The following ADAMTS3 variants were observed in gnomAD, a reference collection of about 807,000 sequenced individuals.
ADAMTS3 encodes ADAM metallopeptidase with thrombospondin type 1 motif 3.
In ADAMTS3, 73 loss-of-function variants were observed where a neutral mutation model predicts 129.0. The ratio of observed to expected loss-of-function variants is 0.57; its 90% CI spans 0.47 to 0.69. The LOEUF (loss-of-function observed/expected upper bound fraction) is 0.69. Among genes scored for constraint, ADAMTS3 ranks in the 30% least tolerant of loss-of-function variants. The pLI, the probability that ADAMTS3 is intolerant of heterozygous loss-of-function variation, is 0.00. For synonymous variants in ADAMTS3, 477 were observed against 510.8 expected (o/e 0.93, Z 0.89); for missense variants, 1,457 against 1,514.5 (o/e 0.96, Z 0.63).
intron 3 of ADAMTS3, among the ~76,000 whole-genome samples, chr4:72,444,376 T>C (rs527628626): frequency 4.7e-4 from 72 of 151,864 alleles, no homozygotes; most frequent in African/African-American, 1.7e-3. Flanking sequence ...GGTCTTATCC[T>C]GGACATTTAA....
chr4:72,492,173 G>T (rs1719765166), intron 3 of ADAMTS3, among the ~76,000 whole-genome samples: 1 of 151,490 alleles, frequency 6.6e-6, no homozygotes, highest in Non-Finnish European at 1.5e-5. Context: ...TAGACTAAGG[G>T]TTTTTTAAAA....
chr4:72,414,605 A>G (rs893742311), intron 4 of ADAMTS3, among the ~76,000 whole-genome samples: 2 of 152,030 alleles, frequency 1.3e-5, no homozygotes, highest in Non-Finnish European at 2.9e-5. Flanking sequence ...TCAGGGATAT[A>G]TAACACACTG....
At position 72,304,052 on chromosome 4, in the gene ADAMTS3, A is replaced by G. The variant is rs139446483; in HGVS notation, c.2289T>C (p.Tyr763=). The G allele has an allele frequency of 3.7e-6, 6 of 1,613,632 alleles. No homozygotes were observed. The highest frequency in any genetic ancestry group is 5.1e-6 in the Non-Finnish European group (6 of 1,179,634). ...CTTCCTCCCCTTTGCCATTTAAAAT[A>G]TAATGGCCTGTAGCCTGGTTCTTAA... ...LAIKNQATGH[Y]ILNGKGEEAK... The change falls in exon 17 of 22, where the codon TAT becomes TAC. Residue 763 remains tyrosine, a synonymous_variant. Coordinates refer to ENST00000286657, the MANE Select transcript of ADAMTS3 (RefSeq NM_014243.3).
chr4:72,334,285 G>A (rs974788965), intron 5 of ADAMTS3, among the ~76,000 whole-genome samples: 4 of 151,874 alleles, frequency 2.6e-5, no homozygotes, highest in Non-Finnish European at 5.9e-5. Flanking sequence ...CTATAATCTC[G>A]CTGAGGTCAG....
chr4:72,470,197 G>A (rs552927884), intron 3 of ADAMTS3, among the ~76,000 whole-genome samples: 1 of 151,890 alleles, frequency 6.6e-6, no homozygotes, highest in African/African-American at 2.4e-5. Context: ...ATTCTGAATC[G>A]GGATTCTAGC....
intron 15 of ADAMTS3, among the ~76,000 whole-genome samples, chr4:72,306,677 C>A (rs910939173): frequency 6.6e-6 from 1 of 151,790 alleles, no homozygotes; most frequent in East Asian, 1.9e-4. Context: ...TTAACCAAAT[C>A]GACAACATGG....
intron 2 of ADAMTS3, among the ~76,000 whole-genome samples, chr4:72,560,060 T>A (rs1721865291): frequency 6.6e-6 from 1 of 151,412 alleles, no homozygotes; most frequent in Admixed American, 6.6e-5. Context: ...ACCTTAAACC[T>A]GACAAAAACA....
At chr4:72,310,660 T>C (rs940299744) in intron 14 of ADAMTS3, among the ~76,000 whole-genome samples, 2 of 152,140 alleles carry the variant, frequency 1.3e-5, no homozygotes, top group African/African-American at 2.4e-5. Context: ...AAATGTCTTA[T>C]TATCTTTACA....
At chr4:72,551,047 C>T (rs1721633685) in intron 2 of ADAMTS3, among the ~76,000 whole-genome samples, 1 of 152,156 alleles carries the variant, frequency 6.6e-6, no homozygotes, top group Non-Finnish European at 1.5e-5. Context: ...CACACACTGA[C>T]TTACAAGACA....
At chr4:72,417,931 T>TTAAAAAAAAAAAAAAAAAAAAAAAAAAAA (rs76545577) in intron 3 of ADAMTS3, among the ~76,000 whole-genome samples, 2 of 100,680 alleles carry the variant, frequency 2.0e-5, no homozygotes, top group African/African-American at 7.5e-5. Context: ...AGACTCCATC[T>TTAAAAAAAAAAAAAAAAAAAAAAAAAAAA]CAAAAAAAAA....
At chr4:72,322,956 T>A in intron 6 of ADAMTS3, 58 bp downstream of exon 6, 1 of 1,312,126 alleles carries the variant, frequency 7.6e-7, no homozygotes, top group South Asian at 1.2e-5. Context: ...AACAATTTAG[T>A]CTTCTATTTG....
At chr4:72,546,739 G>A (rs1484460583) in intron 3 of ADAMTS3, among the ~76,000 whole-genome samples, 3 of 152,080 alleles carry the variant, frequency 2.0e-5, no homozygotes, top group African/African-American at 7.2e-5. Context: ...ATGATTGTGA[G>A]CTGCCACTAC....
intron 3 of ADAMTS3, among the ~76,000 whole-genome samples, chr4:72,528,189 AT>A (rs1720863572): frequency 6.6e-6 from 1 of 150,928 alleles, no homozygotes; most frequent in Non-Finnish European, 1.5e-5. Context: ...TATTTTTATG[AT>A]CTCTCTTTTT....
At chr4:72,460,797 T>C (rs1462038563) in intron 3 of ADAMTS3, among the ~76,000 whole-genome samples, 1 of 151,598 alleles carries the variant, frequency 6.6e-6, no homozygotes, top group African/African-American at 2.4e-5. Context: ...CACTATAAAA[T>C]TGTGTCACCC....
Position 72,568,815 on chromosome 4 carries a change from A to ACACC in ADAMTS3, c.-54_-53insGGTG. On this transcript the variant is annotated 5_prime_UTR_variant, in exon 1 of 22. Transcript: ENST00000286657. ...TGGGCAAAGCAAATGCCCAGAGCAA[A>ACACC]CCCACCCCCCCCGCCCAAAATAAGT... is the stretch of plus-strand genomic sequence containing the variant. 8.7e-7 allele frequency: 1 copy of ACACC among 1,150,000 alleles called. No homozygotes were observed. Among genetic ancestry groups the ACACC allele is most frequent in the Non-Finnish European group, 1.2e-6 (1 of 850,604 alleles). The allele number at this position is 1,150,000 out of a possible 1,614,324, so 71.2% of individuals were successfully genotyped here.
chr4:72,328,663 G>T (rs1719758783), intron 5 of ADAMTS3, among the ~76,000 whole-genome samples: 1 of 150,712 alleles, frequency 6.6e-6, no homozygotes, highest in Admixed American at 6.7e-5. Flanking sequence ...GTTCATATAG[G>T]TACAGTACTT....
At chr4:72,454,640 A>G (rs1718494108) in intron 3 of ADAMTS3, among the ~76,000 whole-genome samples, 1 of 151,648 alleles carries the variant, frequency 6.6e-6, no homozygotes, top group South Asian at 2.1e-4. Flanking sequence ...GCAATATCTC[A>G]TCTTAATTCA....
chr4:72,492,967 A>G (rs1295704053), intron 3 of ADAMTS3, among the ~76,000 whole-genome samples: 2 of 151,994 alleles, frequency 1.3e-5, no homozygotes, highest in South Asian at 2.1e-4. Flanking sequence ...TCTTTTATCA[A>G]TGTATAATGA....
chr4:72,313,908 C>G, intron 11 of ADAMTS3, 86 bp from the exon 12 acceptor site: 1 of 1,460,044 alleles, frequency 6.8e-7, no homozygotes, highest in Non-Finnish European at 9.5e-7. Context: ...AGTTGAAGGG[C>G]TTTCTTACTG....
Sources: allele counts gnomAD v4.1 joint callset (sites outside exome capture counted in the v4.1 genomes callset), GRCh38; gene constraint gnomAD v4.1.1; transcripts MANE v1.5; gene names NCBI Gene and HGNC (gene_info 2026-07-23, HGNC 2026-07-21).